Variants in LIN28B observed in about 807,000 individuals in gnomAD.
LIN28B encodes protein lin-28 homolog B.
In LIN28B, 5 loss-of-function variants were observed where a neutral mutation model predicts 21.9. The ratio of observed to expected loss-of-function variants is 0.23; its 90% confidence interval spans 0.12 to 0.48. LIN28B has a LOEUF of 0.48. Ranked by LOEUF, LIN28B falls within the 20% of genes least tolerant of loss-of-function variation. LIN28B has a pLI of 0.98. For synonymous variants in LIN28B, 109 were observed against 111.3 expected (o/e 0.98, Z 0.13); for missense variants, 245 against 310.5 (o/e 0.79, Z 1.58).
At chr6:104,941,214 C>A (rs1193077670) in intron 2 of LIN28B, 1 of 152,246 alleles carries the variant, frequency 6.6e-6, no homozygotes, top group Non-Finnish European at 1.5e-5. Context: ...GGTCTCGCAG[C>A]AAGTTGCGGT....
chr6:105,041,811 T>C (rs879938436), intron 3 of LIN28B, among the ~76,000 whole-genome samples: 1 of 152,140 alleles, frequency 6.6e-6, no homozygotes, highest in Non-Finnish European at 1.5e-5. Flanking sequence ...GCTCAGCCAT[T>C]GTGTTTTTTT....
At chr6:105,006,582 G>A (rs1770818885) in intron 2 of LIN28B, among the ~76,000 whole-genome samples, 3 of 152,170 alleles carry the variant, frequency 2.0e-5, no homozygotes, top group Non-Finnish European at 4.4e-5. Flanking sequence ...AAAGTGTTGG[G>A]ATTGCAGGTG....
intron 3 of LIN28B, among the ~76,000 whole-genome samples, chr6:105,043,933 C>T (rs1771693230): frequency 6.6e-6 from 1 of 152,082 alleles, no homozygotes; most frequent in Non-Finnish European, 1.5e-5. Flanking sequence ...TCAATATATT[C>T]ATGGTTTTCA....
At chr6:104,986,595 A>C (rs1562082254) in intron 2 of LIN28B, among the ~76,000 whole-genome samples, 1 of 150,826 alleles carries the variant, frequency 6.6e-6, no homozygotes, top group Non-Finnish European at 1.5e-5. Context: ...TTTGTGGTTC[A>C]TTTTAGGGGA....
rs1582937643 is a variant in LIN28B at position 105,079,103 on chromosome 6, AT to A, written c.*321del. 2.4e-5 allele frequency: 5 copies of A among 209,442 alleles called. No homozygotes were observed. The East Asian group carries it at 4.3e-4, about 18-fold the overall frequency. 13.0% of individuals were successfully genotyped at this position (209,442 alleles called of 1,614,324 possible). ...ATATATAAAGAGGCTTTGTCTTTAT[AT>A]ATTTGTGTATAGATCAAAGCACACA... On this transcript the variant is annotated 3_prime_UTR_variant, in exon 4 of 4. Coordinates refer to ENST00000345080, the MANE Select transcript of LIN28B (RefSeq NM_001004317.4).
rs71003467 is a variant in LIN28B at position 104,992,514 on chromosome 6, G to GTTT, written c.199-33776_199-33774dup. Reference sequence around the variant, plus strand: ...TGTGTGTGTGTGTGTGTGTGTGTGTGTTTTTTTTTTAAACAGGGTCTCACT... The same window carrying GTTT: ...TGTGTGTGTGTGTGTGTGTGTGTGTGTTTTTTTTTTTTTAAACAGGGTCTCACT... On this transcript the variant is annotated intron_variant, in intron 2 of 3. Coordinates refer to ENST00000345080, the MANE Select transcript of LIN28B (RefSeq NM_001004317.4). 2.9e-4 allele frequency among the ~76,000 whole-genome samples: 41 copies of GTTT among 139,684 alleles called. No individual in the cohort carries two copies. In the South Asian group the frequency reaches 8.2e-3, roughly 28 times the overall value. The allele number at this position is 139,684 out of a possible 152,430, so 91.6% of individuals were successfully genotyped here. A position where few individuals can be genotyped will look rare whatever the true frequency, so the allele number is the denominator to read the frequency against.
chr6:105,010,447 A>G (rs891150400), intron 2 of LIN28B, among the ~76,000 whole-genome samples: 2 of 152,146 alleles, frequency 1.3e-5, no homozygotes, highest in Admixed American at 1.3e-4. Flanking sequence ...AAACCAACAT[A>G]TCTCTCACTC....
chr6:105,028,072 G>C (rs556758450), intron 3 of LIN28B, among the ~76,000 whole-genome samples: 1 of 152,046 alleles, frequency 6.6e-6, no homozygotes, highest in Non-Finnish European at 1.5e-5. Context: ...ACTTAAATAC[G>C]TACAAGTAAA....
At chr6:104,969,646 G>T (rs983613647) in intron 2 of LIN28B, among the ~76,000 whole-genome samples, 24 of 152,126 alleles carry the variant, frequency 1.6e-4, no homozygotes, top group Admixed American at 4.6e-4. Flanking sequence ...ATATGGTATG[G>T]TATCCTGTTG....
intron 3 of LIN28B, among the ~76,000 whole-genome samples, chr6:105,059,711 T>G (rs922375156): frequency 2.6e-5 from 4 of 152,172 alleles, no homozygotes; most frequent in Non-Finnish European, 4.4e-5. Context: ...ATTACTAAAA[T>G]GTATGACAAT....
At chr6:104,952,256 G>T (rs181156487), upstream of LIN28B, among the ~76,000 whole-genome samples, 122 of 152,252 alleles carry the variant, frequency 8.0e-4, no homozygotes, top group African/African-American at 2.6e-3. Context: ...CTTTAAATTA[G>T]GAAACATACA....
intron 3 of LIN28B, among the ~76,000 whole-genome samples, chr6:105,048,153 G>T (rs1582917700): frequency 1.3e-5 from 2 of 152,278 alleles, no homozygotes; most frequent in Admixed American, 1.3e-4. Flanking sequence ...TTGGCTGTGG[G>T]TTTGTCATAA....
At chr6:104,937,952 C>T (rs1453371738) in intron 2 of LIN28B, among the ~76,000 whole-genome samples, 1 of 147,298 alleles carries the variant, frequency 6.8e-6, no homozygotes, top group Non-Finnish European at 1.5e-5. Context: ...GTGGTTCATG[C>T]CTGTAATCCC....
At chr6:104,997,280 CAAAA>C (rs767052570) in intron 2 of LIN28B, among the ~76,000 whole-genome samples, 43 of 60,670 alleles carry the variant, frequency 7.1e-4, no homozygotes, top group African/African-American at 2.1e-3. Flanking sequence ...GACTCCGTCT[CAAAA>C]AAAAAAAAAA....
At chr6:105,067,594 A>T (rs1772244307) in intron 3 of LIN28B, among the ~76,000 whole-genome samples, 1 of 151,956 alleles carries the variant, frequency 6.6e-6, no homozygotes, top group Non-Finnish European at 1.5e-5. Flanking sequence ...CTTTTCCATT[A>T]GCCAGAACAG....
In LIN28B at chr6:105,078,816, G is replaced by T; in HGVS notation, c.*33G>T. 6.3e-7 allele frequency: 1 copy of T among 1,585,024 alleles called. No individual in the cohort carries two copies. On this transcript the variant is annotated 3_prime_UTR_variant, in exon 4 of 4. Transcript: ENST00000345080. ...TCTTCATATGTTCTTTCCTTTACCC[G>T]GTTGCAAAGTCTACCTCATGCAAGT...
chr6:105,065,945 T>C (rs1162011284), intron 3 of LIN28B, among the ~76,000 whole-genome samples: 5 of 152,148 alleles, frequency 3.3e-5, no homozygotes, highest in African/African-American at 1.2e-4. Flanking sequence ...GGTAGGTGGA[T>C]CACTTGAGCC....
chr6:105,026,942 A>G (rs1302689036), intron 3 of LIN28B, among the ~76,000 whole-genome samples: 1 of 152,182 alleles, frequency 6.6e-6, no homozygotes, highest in Non-Finnish European at 1.5e-5. Flanking sequence ...TATAATATAT[A>G]TGGTATTTTG....
intron 2 of LIN28B, among the ~76,000 whole-genome samples, chr6:104,978,227 A>C (rs1770144390): frequency 1.3e-5 from 2 of 152,204 alleles, no homozygotes; most frequent in Non-Finnish European, 2.9e-5. Flanking sequence ...TTTATCGCTA[A>C]GTCTAAAGTA....
Sources: allele counts gnomAD v4.1 joint callset (sites outside exome capture counted in the v4.1 genomes callset), GRCh38; gene constraint gnomAD v4.1.1; transcripts MANE v1.5; gene names NCBI Gene and HGNC (gene_info 2026-07-23, HGNC 2026-07-21).